Variants in UBR3 observed in about 807,000 individuals in gnomAD.
UBR3 encodes the protein ubiquitin protein ligase E3 component n-recognin 3, also known as E3 ubiquitin-protein ligase UBR3.
In UBR3, 85 loss-of-function variants were observed where a neutral mutation model predicts 243.2. That is an observed-to-expected ratio of 0.35 (90% confidence interval 0.29 to 0.42). UBR3 has a LOEUF of 0.42. Ranked by LOEUF, UBR3 falls within the 10% of genes least tolerant of loss-of-function variation. UBR3 has a pLI of 1.00. For missense variants in UBR3, 1,686 were observed against 2,300.8 expected (o/e 0.73, Z 5.47); for synonymous variants, 748 against 799.8 (o/e 0.94, Z 1.09).
At chr2:170,080,088 A>G (rs1574491701) in intron 37 of UBR3, 65 bp downstream of exon 37, 1 of 1,430,094 alleles carries the variant, frequency 7.0e-7, no homozygotes, top group Admixed American at 2.0e-5. Flanking sequence ...AATATGGTCA[A>G]GCCATCTCTT....
chr2:169,884,854 A>G (rs1474590276), intron 5 of UBR3, among the ~76,000 whole-genome samples: 1 of 152,220 alleles, frequency 6.6e-6, no homozygotes, highest in Non-Finnish European at 1.5e-5. Flanking sequence ...TTTTTAACAT[A>G]TATTAAAATG....
intron 9 of UBR3, among the ~76,000 whole-genome samples, chr2:169,905,672 G>A (rs2105333574): frequency 6.6e-6 from 1 of 152,264 alleles, no homozygotes; most frequent in Non-Finnish European, 1.5e-5. Context: ...ACTGTGCCTG[G>A]CTTTGAAGCA....
intron 27 of UBR3, among the ~76,000 whole-genome samples, chr2:170,006,405 A>G (rs980023189): frequency 2.0e-5 from 3 of 152,230 alleles, no homozygotes; most frequent in Admixed American, 6.5e-5. Context: ...GTTAATGTCA[A>G]AAAGTGAAAA....
At chr2:169,929,162 A>G (rs988083111) in intron 18 of UBR3, among the ~76,000 whole-genome samples, 5 of 152,232 alleles carry the variant, frequency 3.3e-5, no homozygotes, top group Non-Finnish European at 7.3e-5. Context: ...AATGAACCAG[A>G]AACTATAAAA....
chr2:170,022,848 A>C (rs537976197), intron 30 of UBR3, among the ~76,000 whole-genome samples: 2 of 151,986 alleles, frequency 1.3e-5, no homozygotes, highest in African/African-American at 4.8e-5. Flanking sequence ...CCATGGCATC[A>C]ACCTTCTGTC....
chr2:169,925,629 C>T lies in UBR3; in HGVS notation c.2033C>T (p.Ala678Val). ...ATTTACTTTTATTAGGCAAGTCTTG[C>T]AGAAATCCACAGCAATATGTGGGTA... ...IHPLQIQASL[A>V]EIHSNMWVRN... Residue 678 changes from alanine (A) to valine (V), a missense_variant, in exon 14 of 39, where the codon GCA becomes GTA. Transcript: ENST00000272793. The T allele has an allele frequency of 6.5e-7, 1 of 1,547,684 alleles. No individual in the cohort carries two copies. The highest frequency in any genetic ancestry group is 8.7e-7 in the Non-Finnish European group (1 of 1,145,504).
chr2:169,876,225 C>A lies in UBR3; in HGVS notation c.844+276C>A, dbSNP rs564200006. Among the ~76,000 whole-genome samples the A allele has an allele frequency of 3.3e-5, 5 of 151,080 alleles. No homozygotes were observed. The East Asian group carries it at 9.9e-4, about 30-fold the overall frequency. ...CCTCCCGAGTAGCTGGGACTACAGG[C>A]GCCCGCCACTACGCCCAGCTAATTT... On this transcript the variant is annotated intron_variant, in intron 3 of 38. Coordinates refer to ENST00000272793, the MANE Select transcript of UBR3 (RefSeq NM_172070.4).
chr2:170,060,273 G>T (rs78411623), intron 33 of UBR3, among the ~76,000 whole-genome samples: 20,802 of 151,946 alleles, frequency 0.14, 1,961 homozygotes, highest in East Asian at 0.44. Flanking sequence ...ATTTCTTTAT[G>T]TATAAAGATC....
intron 36 of UBR3, chr2:170,077,602 T>G: frequency 2.0e-6 from 1 of 507,460 alleles, no homozygotes. Context: ...TGGAATAACT[T>G]TGAGACAGAG....
intron 25 of UBR3, among the ~76,000 whole-genome samples, chr2:169,989,579 G>T (rs2089183775): frequency 6.6e-6 from 1 of 151,910 alleles, no homozygotes; most frequent in African/African-American, 2.4e-5. Flanking sequence ...TTTTGTTGTT[G>T]TTTATTAGCT....
intron 1 of UBR3, among the ~76,000 whole-genome samples, chr2:169,861,623 A>G (rs1015122268): frequency 6.6e-6 from 1 of 150,928 alleles, no homozygotes; most frequent in African/African-American, 2.4e-5. Flanking sequence ...AAAAAAAAAG[A>G]AAAGAAAAAG....
chr2:170,078,154 A>G (rs191438591), intron 36 of UBR3: 1 of 578,648 alleles, frequency 1.7e-6, no homozygotes, highest in Non-Finnish European at 3.3e-6. Flanking sequence ...GATAAAGCTT[A>G]GCCTTCAGAC....
chr2:169,881,492 C>T (rs557803937), intron 5 of UBR3, among the ~76,000 whole-genome samples: 2 of 151,324 alleles, frequency 1.3e-5, no homozygotes, highest in East Asian at 3.9e-4. Context: ...GAAAGCTAAA[C>T]TTTTTATAGT....
At chr2:169,920,938 A>G (rs1219611280) in intron 11 of UBR3, among the ~76,000 whole-genome samples, 2 of 152,198 alleles carry the variant, frequency 1.3e-5, no homozygotes, top group Admixed American at 6.5e-5. Context: ...ATGCAGGATA[A>G]TGGTAGAAGT....
At chr2:169,838,387 TTGTGTGTGTGTGTGTGTGTGTG>T (rs544974959) in intron 1 of UBR3, among the ~76,000 whole-genome samples, 1,237 of 114,480 alleles carry the variant, frequency 0.011, 11 homozygotes, top group Middle Eastern at 0.051. Flanking sequence ...ATTAAGGCAT[TTGTGTGTGTGTGTGTGTGTGTG>T]TGTGTGTGTG....
intron 30 of UBR3, among the ~76,000 whole-genome samples, chr2:170,024,657 A>T (rs1398503392): frequency 6.6e-6 from 1 of 152,060 alleles, no homozygotes; most frequent in Admixed American, 6.6e-5. Flanking sequence ...AATGTTGATA[A>T]AGGTAGAGGG....
chr2:169,939,434 AT>A (rs35441817), intron 19 of UBR3, among the ~76,000 whole-genome samples: 44 of 141,526 alleles, frequency 3.1e-4, no homozygotes, highest in East Asian at 6.3e-4. Flanking sequence ...AATTTTTTGT[AT>A]TTTTTTTTTT....
chr2:170,042,391 C>T lies in UBR3; in HGVS notation c.4660+1406C>T, dbSNP rs1045122743. Among the ~76,000 whole-genome samples, 14 of 151,820 alleles carry T rather than the reference C, an allele frequency of 9.2e-5. No individual in the cohort carries two copies. In the East Asian group the frequency reaches 1.2e-3, roughly 13 times the overall value. ...AGTTGATGGACATTTGGGTTATTAC[C>T]GCCTTTTGGCTATTGTGAATAGTGC... is the stretch of plus-strand genomic sequence containing the variant. On this transcript the variant is annotated intron_variant, in intron 32 of 38. Transcript: ENST00000272793.
chr2:170,075,826 AT>A (rs1489953406), intron 36 of UBR3, among the ~76,000 whole-genome samples: 2 of 151,852 alleles, frequency 1.3e-5, no homozygotes, highest in African/African-American at 2.4e-5. Flanking sequence ...CTACTTCTGA[AT>A]TTTTTTATCA....
Sources: allele counts gnomAD v4.1 joint callset (sites outside exome capture counted in the v4.1 genomes callset), GRCh38; gene constraint gnomAD v4.1.1; transcripts MANE v1.5; gene names NCBI Gene and HGNC (gene_info 2026-07-23, HGNC 2026-07-21).